The following GRIN2C variants were observed in gnomAD, a reference collection of about 807,000 sequenced individuals.
The protein encoded by GRIN2C is glutamate ionotropic receptor NMDA type subunit 2C, also known as glutamate receptor ionotropic, NMDA 2C.
A neutral mutation model predicts 77.7 loss-of-function variants in GRIN2C; 64 were observed. The observed-to-expected ratio is 0.82, with a 90% confidence interval of 0.67 to 1.01. The LOEUF (loss-of-function observed/expected upper bound fraction) is 1.01. GRIN2C is among the 50% of genes least tolerant of loss of function. GRIN2C has a pLI of 0.00. For synonymous variants in GRIN2C, 792 were observed against 643.4 expected, an observed-to-expected ratio of 1.23 and a Z score of -3.49; for missense variants, 1,549 against 1,486.0, an observed-to-expected ratio of 1.04 and a Z score of -0.70.
In GRIN2C at chr17:74,859,329, C is replaced by T. The variant is rs2037896934; in HGVS notation, c.-16+415G>A. 6.6e-6 allele frequency among the ~76,000 whole-genome samples: 1 copy of T among 152,268 alleles called. No homozygotes were observed. Among genetic ancestry groups the T allele is most frequent in the South Asian group, 2.1e-4 (1 of 4,820 alleles). ...CTGAGCACCTTCCCAGGCTGGGGGC[C>T]TTCTCCTTCCCGGGTCCTCACAGCT... is the stretch of plus-strand genomic sequence containing the variant. On this transcript the variant is annotated intron_variant, in intron 1 of 12. Transcript: ENST00000293190. The surrounding 1 kb of genome is among the most constrained non-coding windows in gnomAD (Gnocchi z 5.9).
rs752302447 is a variant in GRIN2C, at chr17:74,842,680, C to T, written c.3457G>A (p.Ala1153Thr). 2.6e-5 allele frequency: 19 copies of T among 731,592 alleles called. No homozygotes were observed. Among genetic ancestry groups the T allele is most frequent in the Admixed American group, 9.6e-5 (5 of 51,866 alleles). The allele number at this position is 731,592 out of a possible 1,614,324, so 45.3% of individuals were successfully genotyped here. A position where few individuals can be genotyped will look rare whatever the true frequency, so the allele number is the denominator to read the frequency against. Residue 1153 changes from alanine to threonine, a missense_variant, in exon 13 of 13, where the codon GCC becomes ACC. Coordinates refer to ENST00000293190, the MANE Select transcript of GRIN2C (RefSeq NM_000835.6). ...CAGCAAAATGGCAGGTGGGCGTGGG[C>T]GTGCAGGCAGACGTGCTGTCTGTGC... ...WQHRQHVCLH[A>T]HAHLPFCWGA...
intron 12 of GRIN2C, 108 bp downstream of exon 12, chr17:74,844,168 G>C: frequency 6.6e-7 from 1 of 1,512,930 alleles, no homozygotes; most frequent in Non-Finnish European, 8.8e-7. Flanking sequence ...GCCATGAGCC[G>C]GGCCAGAACC....
At chr17:74,860,399 G>T (rs761948915), upstream of GRIN2C, 5 of 456,652 alleles carry the variant, frequency 1.1e-5, no homozygotes, top group Middle Eastern at 3.3e-4. Context: ...AAACCGAGTG[G>T]ACGAATGGGG....
Position 74,842,627 on chromosome 17 carries a change from G to T in GRIN2C, c.3510C>A (p.Pro1170=). Residue 1170 remains proline (P), a synonymous_variant, in exon 13 of 13, where the codon CCC becomes CCA. Coordinates refer to ENST00000293190, the MANE Select transcript of GRIN2C (RefSeq NM_000835.6). ...CWGAVCPHLP[P]CASHGSWLSG... ...AGAGCCAGGAGCCGTGGCTGGCACA[G>T]GGTGGAAGGTGAGGACAGACAGCCC... 1.3e-6 allele frequency: 1 copy of T among 757,034 alleles called. No homozygotes were observed. Among genetic ancestry groups the T allele is most frequent in the Non-Finnish European group, 2.5e-6 (1 of 406,740 alleles). 46.9% of individuals were successfully genotyped at this position (757,034 alleles called of 1,614,324 possible).
chr17:74,848,313 G>A (rs1417423182), intron 7 of GRIN2C, among the ~76,000 whole-genome samples: 1 of 152,144 alleles, frequency 6.6e-6, no homozygotes, highest in Non-Finnish European at 1.5e-5. Context: ...AGCCCCTGAG[G>A]CCAAGTCTTA....
At position 74,846,366 on chromosome 17, in the gene GRIN2C, G is replaced by C; in HGVS notation, c.2163-113C>G. ...TGAGCCTGCTGGGCACCCCCGGGAGGGACCAATGGGCAGAGACTTGTCTGG... is the reference window on the plus strand; with the variant it reads ...TGAGCCTGCTGGGCACCCCCGGGAGCGACCAATGGGCAGAGACTTGTCTGG... On this transcript the variant is annotated intron_variant, in intron 10 of 12. Transcript: ENST00000293190. The surrounding 1 kb of genome is among the most constrained non-coding windows in gnomAD (Gnocchi z 4.4). The C allele has an allele frequency of 1.2e-6, 1 of 843,802 alleles. No individual in the cohort carries two copies. The highest frequency in any genetic ancestry group is 1.9e-6 in the Non-Finnish European group (1 of 527,330). The allele number at this position is 843,802 out of a possible 1,614,324, so 52.3% of individuals were successfully genotyped here. A position where few individuals can be genotyped will look rare whatever the true frequency, so the allele number is the denominator to read the frequency against.
chr17:74,855,679 C>T lies in GRIN2C; in HGVS notation c.-15-572G>A, dbSNP rs1202363579. On this transcript the variant is annotated intron_variant, in intron 1 of 12. Coordinates refer to ENST00000293190, the MANE Select transcript of GRIN2C (RefSeq NM_000835.6). ...GCCAGGTGAAGGAAGACAGCTCTTG[C>T]ATCACCCCCAACCCCCACCCCCACC... Among the ~76,000 whole-genome samples, 5 of 152,356 alleles carry T rather than the reference C, an allele frequency of 3.3e-5. No individual in the cohort carries two copies. The East Asian group carries it at 7.7e-4, about 23-fold the overall frequency.
Position 74,852,187 on chromosome 17 carries a change from C to G in GRIN2C, c.824G>C (p.Ser275Thr). The G allele has an allele frequency of 2.1e-6, 3 of 1,458,810 alleles. No homozygotes were observed. The highest frequency in any genetic ancestry group is 1.8e-6 in the Non-Finnish European group (2 of 1,107,936). The allele number at this position is 1,458,810 out of a possible 1,614,324, so 90.4% of individuals were successfully genotyped here. The change falls in exon 3 of 13, where the codon AGC becomes ACC. Residue 275 changes from serine to threonine, a missense_variant. Transcript: ENST00000293190. Reference sequence around the variant, plus strand: ...GAGGCGCCAGCTCTCGGTGACGACGCTGATGAGGCCCACGGGGAAGGTGGC... The same window carrying G: ...GAGGCGCCAGCTCTCGGTGACGACGGTGATGAGGCCCACGGGGAAGGTGGC... ...PPATFPVGLI[S>T]VVTESWRLSL... is the part of the protein sequence containing the mutation.
intron 1 of GRIN2C, among the ~76,000 whole-genome samples, chr17:74,858,444 G>A (rs1367804565): frequency 6.6e-6 from 1 of 151,938 alleles, no homozygotes; most frequent in Non-Finnish European, 1.5e-5. Context: ...CAGAGCCAGG[G>A]GCCAAAACTA....
rs770956100 is a variant in GRIN2C at position 74,847,378 on chromosome 17, G to A, written c.1931C>T (p.Thr644Met). The A allele has an allele frequency of 4.2e-5, 67 of 1,613,630 alleles. No homozygotes were observed. The highest frequency in any genetic ancestry group is 3.3e-4 in the Middle Eastern group (2 of 6,082). The part of the protein sequence containing the change: ...FFAVIFLASY[T>M]ANLAAFMIQE... The stretch of plus-strand genomic sequence containing the variant: ...GATCATGAAGGCGGCCAGGTTGGCC[G>A]TGTAGCTGGCGAGGAAGATGACAGC... Residue 644 changes from threonine (T) to methionine (M), a missense_variant, in exon 9 of 13, where the codon ACG becomes ATG. Transcript: ENST00000293190. The surrounding 1 kb of genome is among the most constrained non-coding windows in gnomAD (Gnocchi z 5.2).
At chr17:74,843,578 C>T (rs2037369623) in intron 12 of GRIN2C, 25 bp from the exon 13 acceptor site, 4 of 1,529,422 alleles carry the variant, frequency 2.6e-6, no homozygotes, top group Non-Finnish European at 3.5e-6. Context: ...GACGACAGGC[C>T]GTAAGCAGCG....
At position 74,847,258 on chromosome 17, in the gene GRIN2C, T is replaced by TGCCCCCC; in HGVS notation, c.2001+49_2001+50insGGGGGGC. The TGCCCCCC allele has an allele frequency of 1.7e-5, 16 of 925,826 alleles. No homozygotes were observed. The highest frequency in any genetic ancestry group is 8.4e-5 in the East Asian group (3 of 35,602). The allele number at this position is 925,826 out of a possible 1,614,324, so 57.4% of individuals were successfully genotyped here. On this transcript the variant is annotated intron_variant, in intron 9 of 12. Transcript: ENST00000293190. This position sits in a 1 kb window ranked among gnomAD's most constrained non-coding sequence, Gnocchi z 5.2. Reference sequence around the variant, plus strand: ...CCAGGGCCTGCCCACTCACGGCCTGTCCCCACCCTCAGTGCCCCCCCCCAC... The same window carrying TGCCCCCC: ...CCAGGGCCTGCCCACTCACGGCCTGTGCCCCCCCCCCACCCTCAGTGCCCCCCCCCAC...
rs2037360325 is a variant in GRIN2C at position 74,843,394 on chromosome 17, G to T, written c.2743C>A (p.Arg915Ser). 3 of 1,533,804 alleles carry T rather than the reference G, an allele frequency of 2.0e-6. No homozygotes were observed. The highest frequency in any genetic ancestry group is 1.4e-5 in the African/African-American group (1 of 72,792). The change falls in exon 13 of 13, where the codon CGC becomes AGC. Residue 915 changes from arginine to serine, a missense_variant. By Grantham distance (110) the Arg-to-Ser change is moderately radical. This residue lies in a region of GRIN2C where 450 missense variants were observed against 267.9 expected (regional missense o/e 1.68). Coordinates refer to ENST00000293190, the MANE Select transcript of GRIN2C (RefSeq NM_000835.6). ...CAATTCTCGATGGTGCGAGTGGCGC[G>T]GTCCAGGGAGCTGCTTACGCCCGCC... ...TTAGVSSSLD[R>S]ATRTIENWGG...
Position 74,849,808 on chromosome 17 carries a change from A to T in GRIN2C, c.1617T>A (p.Asn539Lys). ...AGAAGGCCGAGGGGGAGACGGTGCC[A>T]TTGCTGCGAGCCACCATCACACTGA... is the stretch of plus-strand genomic sequence containing the variant. ...TGISVMVARS[N>K]GTVSPSAFLE... Residue 539 changes from asparagine to lysine, a missense_variant, in exon 7 of 13, where the codon AAT (asparagine) becomes AAA (lysine). Asn to Lys is a moderately conservative substitution (Grantham distance 94). This residue lies in a region of GRIN2C where 717 missense variants were observed against 858.1 expected (regional missense o/e 0.84). Transcript: ENST00000293190. This position sits in a 1 kb window ranked among gnomAD's most constrained non-coding sequence, Gnocchi z 4.6. 6.2e-7 allele frequency: 1 copy of T among 1,612,802 alleles called. No homozygotes were observed. The highest frequency in any genetic ancestry group is 8.5e-7 in the Non-Finnish European group (1 of 1,179,614).
intron 12 of GRIN2C, 128 bp downstream of exon 12, chr17:74,844,148 A>G: frequency 6.8e-7 from 1 of 1,467,110 alleles, no homozygotes; most frequent in Non-Finnish European, 9.0e-7. Flanking sequence ...TGTTGAGATT[A>G]CAGGTGTGAG....
rs1254829767 is a variant in GRIN2C, at chr17:74,847,392, G to T, written c.1917C>A (p.Phe639Leu). ...VLVWAFFAVIFLASYTANLAA... is the reference protein window; with the variant it reads ...VLVWAFFAVILLASYTANLAA... ...CCAGGTTGGCCGTGTAGCTGGCGAGGAAGATGACAGCAAAGAAGGCCCAGA... is the reference window on the plus strand; with the variant it reads ...CCAGGTTGGCCGTGTAGCTGGCGAGTAAGATGACAGCAAAGAAGGCCCAGA... Residue 639 changes from phenylalanine to leucine, a missense_variant, in exon 9 of 13, where the codon TTC becomes TTA. By Grantham distance (22) the Phe-to-Leu change is conservative. Coordinates refer to ENST00000293190, the MANE Select transcript of GRIN2C (RefSeq NM_000835.6). This position sits in a 1 kb window ranked among gnomAD's most constrained non-coding sequence, Gnocchi z 5.2. 1 of 1,613,976 alleles carries T rather than the reference G, an allele frequency of 6.2e-7. No homozygotes were observed. The highest frequency in any genetic ancestry group is 1.3e-5 in the African/African-American group (1 of 74,868).
Position 74,847,003 on chromosome 17 carries a change from G to A in GRIN2C, c.2002-83C>T. 2 of 1,436,006 alleles carry A rather than the reference G, an allele frequency of 1.4e-6. No individual in the cohort carries two copies. Among genetic ancestry groups the A allele is most frequent in the Admixed American group, 1.9e-5 (1 of 53,538 alleles). 89.0% of individuals were successfully genotyped at this position (1,436,006 alleles called of 1,614,324 possible). A position where few individuals can be genotyped will look rare whatever the true frequency, so the allele number is the denominator to read the frequency against. On this transcript the variant is annotated intron_variant, in intron 9 of 12. Transcript: ENST00000293190. The surrounding 1 kb of genome is among the most constrained non-coding windows in gnomAD (Gnocchi z 5.2). ...AGCCCCAAACCCACCCCAGAGCCCAGCCCCAGTGTGGACTTGCATAGTCAG... is the reference window on the plus strand; with the variant it reads ...AGCCCCAAACCCACCCCAGAGCCCAACCCCAGTGTGGACTTGCATAGTCAG...
intron 1 of GRIN2C, among the ~76,000 whole-genome samples, chr17:74,855,958 G>A (rs545845378): frequency 1.3e-5 from 2 of 152,362 alleles, no homozygotes; most frequent in South Asian, 2.1e-4. Context: ...CAGGGGTACC[G>A]GAAAACCCAA....
At position 74,852,541 on chromosome 17, in the gene GRIN2C, A is replaced by G; in HGVS notation, c.470T>C (p.Leu157Pro). 6.4e-7 allele frequency: 1 copy of G among 1,560,710 alleles called. No homozygotes were observed. Among genetic ancestry groups the G allele is most frequent in the Non-Finnish European group, 8.6e-7 (1 of 1,160,652 alleles). The change falls in exon 3 of 13, where the codon CTG (leucine) becomes CCG (proline). Residue 157 changes from leucine to proline, a missense_variant. By Grantham distance (98) the Leu-to-Pro change is moderately conservative. Transcript: ENST00000293190. ...EQQLQVLFKV[L>P]EEYDWSAFAV... ...GAAGGCGCTCCAGTCGTACTCTTCCAGCACCTTGAACAGCACCTGCAGCTG... is the reference window on the plus strand; with the variant it reads ...GAAGGCGCTCCAGTCGTACTCTTCCGGCACCTTGAACAGCACCTGCAGCTG...
Sources: allele counts gnomAD v4.1 joint callset (sites outside exome capture counted in the v4.1 genomes callset), GRCh38; gene constraint gnomAD v4.1.1; regional missense constraint gnomAD v4.1.1; non-coding constraint Gnocchi (gnomAD v3.1); transcripts MANE v1.5; gene names NCBI Gene and HGNC (gene_info 2026-07-23, HGNC 2026-07-21).